Variants in EXT1 observed in about 807,000 individuals in gnomAD.
EXT1 encodes exostosin-1.
A neutral mutation model predicts 82.5 loss-of-function variants in EXT1; 20 were observed. The ratio of observed to expected loss-of-function variants is 0.24; its 90% CI spans 0.17 to 0.35. The LOEUF is 0.35. Ranked by LOEUF, EXT1 falls within the 10% of genes least tolerant of loss-of-function variation. EXT1 has a pLI of 1.00. For missense variants in EXT1, 757 were observed against 936.5 expected (o/e 0.81, Z 2.50); for synonymous variants, 348 against 350.8 (o/e 0.99, Z 0.09).
Position 118,041,665 on chromosome 8 carries a change from A to AGAAGGAAGGAAGGAAGGAAGGAAGGAAG in EXT1, c.962+68392_962+68419dup, listed in dbSNP as rs57360744. The stretch of plus-strand genomic sequence containing the variant: ...AAGAAAAAGAAAGAAAGAGAGAGAA[A>AGAAGGAAGGAAGGAAGGAAGGAAGGAAG]GAAGGAAGGAAGGAAGGAAGGAAGG... On this transcript the variant is annotated intron_variant, in intron 1 of 10. Coordinates refer to ENST00000378204, the MANE Select transcript of EXT1 (RefSeq NM_000127.3). Among the ~76,000 whole-genome samples the AGAAGGAAGGAAGGAAGGAAGGAAGGAAG allele has an allele frequency of 4.6e-4, 57 of 125,184 alleles. 1 individual carries two copies. Among genetic ancestry groups the AGAAGGAAGGAAGGAAGGAAGGAAGGAAG allele is most frequent in the Non-Finnish European group, 7.2e-4 (43 of 59,836 alleles). 82.1% of individuals were successfully genotyped at this position (125,184 alleles called of 152,430 possible).
chr8:118,060,560 C>A (rs1240466721), intron 1 of EXT1, among the ~76,000 whole-genome samples: 1 of 152,140 alleles, frequency 6.6e-6, no homozygotes, highest in Non-Finnish European at 1.5e-5. Context: ...TCCCCAGGGG[C>A]CTTAGAGGAT....
At chr8:117,816,277 A>G (rs1461285354) in intron 7 of EXT1, among the ~76,000 whole-genome samples, 1 of 152,168 alleles carries the variant, frequency 6.6e-6, no homozygotes, top group Non-Finnish European at 1.5e-5. Flanking sequence ...AGAGCCCATA[A>G]TACAAATCAT....
chr8:118,013,839 C>A (rs758583754), intron 1 of EXT1, among the ~76,000 whole-genome samples: 1 of 152,138 alleles, frequency 6.6e-6, no homozygotes, highest in Non-Finnish European at 1.5e-5. Context: ...ATATGACAAT[C>A]AAATTTAACT....
chr8:118,028,034 C>T (rs1304818019), intron 1 of EXT1, among the ~76,000 whole-genome samples: 1 of 152,176 alleles, frequency 6.6e-6, no homozygotes, highest in Non-Finnish European at 1.5e-5. Context: ...AATGAGTTTT[C>T]ACCTACAAGT....
chr8:118,015,682 G>A (rs1033807338), intron 1 of EXT1, among the ~76,000 whole-genome samples: 11 of 152,184 alleles, frequency 7.2e-5, no homozygotes, highest in Non-Finnish European at 8.8e-5. Context: ...TAATGCAGAT[G>A]TTATGGGTGA....
At chr8:117,916,889 A>G (rs4242577) in intron 1 of EXT1, among the ~76,000 whole-genome samples, 137,219 of 151,914 alleles carry the variant, frequency 0.9, 63,267 homozygotes, top group Non-Finnish European at 1. Context: ...CCTGGGGGAT[A>G]GAGTGAGACT....
At chr8:118,050,760 A>C (rs1472050888) in intron 1 of EXT1, among the ~76,000 whole-genome samples, 1 of 152,192 alleles carries the variant, frequency 6.6e-6, no homozygotes, top group Non-Finnish European at 1.5e-5. Flanking sequence ...TGTGAAAGCC[A>C]TTCTTAGCCC....
chr8:117,984,571 T>C (rs1357701073), intron 1 of EXT1, among the ~76,000 whole-genome samples: 2 of 151,898 alleles, frequency 1.3e-5, no homozygotes, highest in Non-Finnish European at 2.9e-5. Flanking sequence ...ACAAAAGCCC[T>C]GAGGCCAGAG....
chr8:118,035,684 T>C (rs1232219987), intron 1 of EXT1, among the ~76,000 whole-genome samples: 3 of 152,098 alleles, frequency 2.0e-5, no homozygotes, highest in Admixed American at 6.6e-5. Flanking sequence ...TTTAAAAACA[T>C]AGCCTCTTCG....
At chr8:118,021,574 T>C (rs757468452) in intron 1 of EXT1, among the ~76,000 whole-genome samples, 1 of 152,112 alleles carries the variant, frequency 6.6e-6, no homozygotes, top group Non-Finnish European at 1.5e-5. Flanking sequence ...TGGGTCAGAG[T>C]AGAAGTCCAG....
intron 1 of EXT1, among the ~76,000 whole-genome samples, chr8:118,028,314 A>G (rs1282051220): frequency 2.0e-5 from 3 of 152,218 alleles, no homozygotes; most frequent in Admixed American, 1.3e-4. Context: ...TTTCCAAAAC[A>G]TATTTCCAGG....
At position 118,110,817 on chromosome 8, in the gene EXT1, C is replaced by T. The variant is rs1817886507; in HGVS notation, c.230G>A (p.Ser77Asn). The T allele has an allele frequency of 6.2e-7, 1 of 1,612,908 alleles. No homozygotes were observed. Among genetic ancestry groups the T allele is most frequent in the Non-Finnish European group, 8.5e-7 (1 of 1,179,140 alleles). Residue 77 changes from serine to asparagine, a missense_variant, in exon 1 of 11, where the codon AGC becomes AAC. This residue lies in a region of EXT1 where 175 missense variants were observed against 159.0 expected (regional missense o/e 1.10). Transcript: ENST00000378204. ...PWDQLENEDS[S>N]VHISPRQKRD... Reference sequence around the variant, plus strand: ...CTTCTGCCGGGGGGAAATGTGCACGCTGGAATCCTCGTTTTCCAATTGATC... The same window carrying T: ...CTTCTGCCGGGGGGAAATGTGCACGTTGGAATCCTCGTTTTCCAATTGATC...
intron 1 of EXT1, among the ~76,000 whole-genome samples, chr8:117,998,604 T>C (rs1435579565): frequency 6.6e-6 from 1 of 152,198 alleles, no homozygotes; most frequent in Non-Finnish European, 1.5e-5. Flanking sequence ...TCTGCATTTT[T>C]TAAGGAGGAA....
chr8:117,907,008 C>T (rs1053076124), intron 1 of EXT1, among the ~76,000 whole-genome samples: 1 of 151,028 alleles, frequency 6.6e-6, no homozygotes, highest in African/African-American at 2.4e-5. Context: ...CCTCACCCCA[C>T]GAAATTAAGA....
chr8:118,037,555 G>C lies in EXT1; in HGVS notation c.962+72530C>G, dbSNP rs916835463. 8.5e-5 allele frequency among the ~76,000 whole-genome samples: 13 copies of C among 152,082 alleles called. No homozygotes were observed. The East Asian group carries it at 2.1e-3, about 25-fold the overall frequency. On this transcript the variant is annotated intron_variant, in intron 1 of 10. Coordinates refer to ENST00000378204, the MANE Select transcript of EXT1 (RefSeq NM_000127.3). The stretch of plus-strand genomic sequence containing the variant: ...TCCCCTCTTATGACAAACTGAGAAA[G>C]AGAAATTAATGTGTTTTCTCTTGCA...
chr8:117,802,553 G>A (rs1823184358), intron 10 of EXT1, among the ~76,000 whole-genome samples: 1 of 152,120 alleles, frequency 6.6e-6, no homozygotes, highest in African/African-American at 2.4e-5. Flanking sequence ...TATAGCCTAG[G>A]AGCAATAGGC....
At chr8:118,062,902 C>T (rs1481286189) in intron 1 of EXT1, among the ~76,000 whole-genome samples, 1 of 152,198 alleles carries the variant, frequency 6.6e-6, no homozygotes, top group African/African-American at 2.4e-5. Context: ...TCATTTCCCT[C>T]AAACACCTCA....
At chr8:117,915,232 T>A (rs1295767903) in intron 1 of EXT1, among the ~76,000 whole-genome samples, 1 of 152,228 alleles carries the variant, frequency 6.6e-6, no homozygotes, top group Non-Finnish European at 1.5e-5. Flanking sequence ...TATTTCAATA[T>A]GGTTTTATTA....
intron 1 of EXT1, among the ~76,000 whole-genome samples, chr8:117,911,532 T>C (rs1011383417): frequency 6.6e-6 from 1 of 152,218 alleles, no homozygotes; most frequent in Non-Finnish European, 1.5e-5. Context: ...CTCAGAGAGC[T>C]GCCCTGCTCA....
Sources: allele counts gnomAD v4.1 joint callset (sites outside exome capture counted in the v4.1 genomes callset), GRCh38; gene constraint gnomAD v4.1.1; regional missense constraint gnomAD v4.1.1; transcripts MANE v1.5; gene names NCBI Gene and HGNC (gene_info 2026-07-23, HGNC 2026-07-21).